Variants in ANKRD62 observed in about 807,000 individuals in gnomAD.
ANKRD62 encodes the protein ankyrin repeat domain-containing protein 62.
In ANKRD62, 61 loss-of-function variants were observed where a neutral mutation model predicts 98.8. That is an observed-to-expected ratio of 0.62 (90% CI 0.50 to 0.76). The LOEUF (loss-of-function observed/expected upper bound fraction) is 0.76. Ranked by LOEUF, ANKRD62 falls within the 30% of genes least tolerant of loss-of-function variation. ANKRD62 has a pLI of 0.00. For synonymous variants in ANKRD62, 341 were observed against 367.9 expected (o/e 0.93, Z 0.84); for missense variants, 933 against 1,082.9 (o/e 0.86, Z 1.94).
the ANKRD62 span, among the ~76,000 whole-genome samples, chr18:12,140,002 G>T: frequency 1.3e-5 from 2 of 152,232 alleles, no homozygotes; most frequent in South Asian, 4.2e-4. Flanking sequence ...TGTAGATTTG[G>T]TCTTTTCACA....
At chr18:12,135,005 C>T in the ANKRD62 span, among the ~76,000 whole-genome samples, 3 of 151,904 alleles carry the variant, frequency 2.0e-5, no homozygotes, top group Non-Finnish European at 4.4e-5. Flanking sequence ...TAAAAGTGTT[C>T]CTATTTTTCC....
At chr18:12,175,109 T>TA in the ANKRD62 span, among the ~76,000 whole-genome samples, 1 of 152,108 alleles carries the variant, frequency 6.6e-6, no homozygotes, top group East Asian at 1.9e-4. Context: ...CAGGGAAGGG[T>TA]AGGGGGCTGC....
At chr18:12,138,315 T>C in the ANKRD62 span, among the ~76,000 whole-genome samples, 6 of 152,370 alleles carry the variant, frequency 3.9e-5, no homozygotes, top group South Asian at 2.1e-4. Context: ...CCAGTAGTCA[T>C]TCAGGAGCAG....
intron 4 of ANKRD62, among the ~76,000 whole-genome samples, chr18:12,096,918 G>GAA (rs1422233042): frequency 6.6e-6 from 1 of 152,014 alleles, no homozygotes; most frequent in Non-Finnish European, 1.5e-5. Flanking sequence ...TGGGCAGAGG[G>GAA]AAAAAAGCTA....
At chr18:12,167,602 G>T in the ANKRD62 span, among the ~76,000 whole-genome samples, 1 of 152,188 alleles carries the variant, frequency 6.6e-6, no homozygotes, top group African/African-American at 2.4e-5. Flanking sequence ...ACACATGTGT[G>T]CATGTGTCTT....
chr18:12,162,640 A>G, the ANKRD62 span, among the ~76,000 whole-genome samples: 1 of 152,048 alleles, frequency 6.6e-6, no homozygotes, highest in African/African-American at 2.4e-5. Flanking sequence ...TAGTAGTTTC[A>G]TAATTTGAGG....
chr18:12,126,122 A>AGGATTTGG lies in ANKRD62; in HGVS notation c.2301_2302insGGATTTGG (p.Lys768GlyfsTer8). On this transcript the variant is annotated frameshift_variant, in exon 13 of 14. Transcript: ENST00000587848. LOFTEE classifies it high-confidence loss of function. ...AACCTATTTTGGAAAAATACGTGAG[A>AGGATTTGG]AAGCAGCAATCTGTAGAGGATGGAC... 1 of 1,536,150 alleles carries AGGATTTGG rather than the reference A, an allele frequency of 6.5e-7. No individual in the cohort carries two copies. Among genetic ancestry groups the AGGATTTGG allele is most frequent in the Non-Finnish European group, 8.7e-7 (1 of 1,146,888 alleles).
the ANKRD62 span, among the ~76,000 whole-genome samples, chr18:12,141,011 G>T: frequency 6.6e-6 from 1 of 152,366 alleles, no homozygotes; most frequent in East Asian, 1.9e-4. Context: ...CCCAGTTCGA[G>T]CTTCCTGGCT....
In ANKRD62 at chr18:12,095,503, A is replaced by G. The variant is rs1397153523; in HGVS notation, c.400A>G (p.Arg134Gly). 1 of 1,571,636 alleles carries G rather than the reference A, an allele frequency of 6.4e-7. No individual in the cohort carries two copies. The highest frequency in any genetic ancestry group is 1.1e-5 in the South Asian group (1 of 87,610). Residue 134 changes from arginine (R) to glycine (G), a missense_variant, in exon 3 of 14, where the codon AGA becomes GGA. By Grantham distance (125) the Arg-to-Gly change is moderately radical (BLOSUM62 -2). Around this residue, in one of 3 missense-constraint regions of ANKRD62, gnomAD observed 549 missense variants for 587.9 expected, o/e 0.93. Coordinates refer to ENST00000587848, the MANE Select transcript of ANKRD62 (RefSeq NM_001277333.2). The stretch of plus-strand genomic sequence containing the variant: ...GGAACATGGCGCCAACCCAAATGTT[A>G]GAGATATGTATGGCAACACTGCTCT... ...LLEHGANPNV[R>G]DMYGNTALHY...
chr18:12,101,653 A>G (rs1909301732), intron 6 of ANKRD62, among the ~76,000 whole-genome samples: 1 of 152,316 alleles, frequency 6.6e-6, no homozygotes, highest in African/African-American at 2.4e-5. Flanking sequence ...AAATTTGATC[A>G]TATATTAATA....
At chr18:12,171,468 C>T in the ANKRD62 span, among the ~76,000 whole-genome samples, 4 of 152,302 alleles carry the variant, frequency 2.6e-5, no homozygotes, top group Non-Finnish European at 5.9e-5. Flanking sequence ...TATTGGCCCC[C>T]ACTCTCTTCT....
At chr18:12,150,910 C>T in the ANKRD62 span, among the ~76,000 whole-genome samples, 1 of 152,082 alleles carries the variant, frequency 6.6e-6, no homozygotes, top group South Asian at 2.1e-4. Context: ...AACAACACAA[C>T]ATCAGAATCA....
the ANKRD62 span, among the ~76,000 whole-genome samples, chr18:12,135,551 T>A: frequency 6.6e-6 from 1 of 151,510 alleles, no homozygotes; most frequent in African/African-American, 2.5e-5. Context: ...CCTTTGGGTA[T>A]ATACCCAGTA....
chr18:12,099,675 C>T lies in ANKRD62; in HGVS notation c.813C>T (p.Ser271=). The T allele has an allele frequency of 6.8e-7, 1 of 1,470,500 alleles. No homozygotes were observed. Among genetic ancestry groups the T allele is most frequent in the Non-Finnish European group, 9.0e-7 (1 of 1,108,818 alleles). 91.1% of individuals were successfully genotyped at this position (1,470,500 alleles called of 1,614,324 possible). A position where few individuals can be genotyped will look rare whatever the true frequency, so the allele number is the denominator to read the frequency against. ...ANKRCKSLQN[S]NSEQDLEMTS... ...AGAGATGTAAAAGTCTTCAAAATAG[C>T]AATTCAGGTATGACTTCTGATAGTG... Residue 271 remains serine, a synonymous_variant, in exon 6 of 14, where the codon AGC becomes AGT. Transcript: ENST00000587848.
downstream of ANKRD62, among the ~76,000 whole-genome samples, chr18:12,132,248 G>A (rs9957915): frequency 0.61 from 93,289 of 151,832 alleles, 29,083 homozygotes; most frequent in Middle Eastern, 0.76. Flanking sequence ...ATAGAATTAC[G>A]ATTGATTTTT....
chr18:12,156,969 A>C, the ANKRD62 span, among the ~76,000 whole-genome samples: 1 of 152,038 alleles, frequency 6.6e-6, no homozygotes, highest in Non-Finnish European at 1.5e-5. Context: ...GCTGTCTCTC[A>C]TTTTTTTAAG....
At chr18:12,130,839 G>A (rs1170462374), downstream of ANKRD62, among the ~76,000 whole-genome samples, 4 of 151,912 alleles carry the variant, frequency 2.6e-5, no homozygotes, top group East Asian at 1.9e-4. Context: ...CTACAGGTGC[G>A]TGCAGCCACA....
At chr18:12,115,055 T>G (rs1193737736) in intron 8 of ANKRD62, 33 bp from the exon 9 acceptor site, 26 of 1,374,480 alleles carry the variant, frequency 1.9e-5, no homozygotes, top group Non-Finnish European at 2.3e-5. Flanking sequence ...ATTTACTATT[T>G]GCCTGATTGG....
At chr18:12,180,809 T>TA in the ANKRD62 span, among the ~76,000 whole-genome samples, 2 of 151,628 alleles carry the variant, frequency 1.3e-5, no homozygotes, top group Admixed American at 1.3e-4. Flanking sequence ...CTTTTTTTTT[T>TA]ATACTTTAAG....
Sources: allele counts gnomAD v4.1 joint callset (sites outside exome capture counted in the v4.1 genomes callset), GRCh38; gene constraint gnomAD v4.1.1; regional missense constraint gnomAD v4.1.1; transcripts MANE v1.5; gene names NCBI Gene and HGNC (gene_info 2026-07-23, HGNC 2026-07-21).